Variants in SECISBP2 observed in about 807,000 individuals in gnomAD.
The protein encoded by SECISBP2 is selenocysteine insertion sequence-binding protein 2.
In SECISBP2, 96 loss-of-function variants were observed where a neutral mutation model predicts 98.2. That is an observed-to-expected ratio of 0.98 (90% CI 0.83 to 1.16). The LOEUF (loss-of-function observed/expected upper bound fraction) is 1.16, where lower values mean the gene tolerates loss of function less well. SECISBP2 is among the 50% of genes most tolerant of loss of function. SECISBP2 has a pLI of 0.00. For synonymous variants in SECISBP2, 407 were observed against 370.2 expected, an observed-to-expected ratio of 1.10 and a Z score of -1.14; for missense variants, 1,046 against 1,022.9, an observed-to-expected ratio of 1.02 and a Z score of -0.31.
At chr9:89,327,367 C>T (rs1826913283) in intron 4 of SECISBP2, among the ~76,000 whole-genome samples, 1 of 151,956 alleles carries the variant, frequency 6.6e-6, no homozygotes, top group South Asian at 2.1e-4. Context: ...GTATTTTTTT[C>T]AATAATTAAC....
At chr9:89,333,406 T>C (rs560858404) in intron 6 of SECISBP2, among the ~76,000 whole-genome samples, 1 of 152,372 alleles carries the variant, frequency 6.6e-6, no homozygotes, top group South Asian at 2.1e-4. Flanking sequence ...ATTAAGCGTA[T>C]TGCATTTTAA....
At chr9:89,321,294 A>G (rs1047769401) in intron 2 of SECISBP2, among the ~76,000 whole-genome samples, 3 of 152,248 alleles carry the variant, frequency 2.0e-5, no homozygotes, top group African/African-American at 4.8e-5. Flanking sequence ...AAACATTCAC[A>G]TGGCTAAAGG....
At chr9:89,363,307 C>T (rs922763347), downstream of SECISBP2, 21 of 1,413,118 alleles carry the variant, frequency 1.5e-5, no homozygotes, top group East Asian at 2.4e-5. Context: ...GAAACTGCTC[C>T]GGGGCTAAGA....
chr9:89,320,307 G>T (rs1395971719), intron 2 of SECISBP2, among the ~76,000 whole-genome samples: 1 of 126,982 alleles, frequency 7.9e-6, no homozygotes, highest in Non-Finnish European at 1.5e-5. Context: ...AGTGGGCCAA[G>T]ATAGCACCAC....
intron 8 of SECISBP2, among the ~76,000 whole-genome samples, chr9:89,338,839 T>A (rs1829201859): frequency 6.6e-6 from 1 of 152,164 alleles, no homozygotes; most frequent in South Asian, 2.1e-4. Flanking sequence ...GTTGAATAGT[T>A]TGTGTGCCAT....
At chr9:89,325,326 T>A in intron 2 of SECISBP2, 101 bp from the exon 3 acceptor site, 2 of 1,112,544 alleles carry the variant, frequency 1.8e-6, no homozygotes, top group Non-Finnish European at 2.7e-6. Context: ...GAGTGAATGG[T>A]CTCAGAAATA....
In SECISBP2 at chr9:89,326,028, T is replaced by C. The variant is rs138517966; in HGVS notation, c.564T>C (p.Ser188=). The change falls in exon 4 of 17, where the codon AGT becomes AGC. Residue 188 remains serine (S), a synonymous_variant. Transcript: ENST00000375807. The stretch of plus-strand genomic sequence containing the variant: ...ATTTGTCCATTTACGCTGAGAATAG[T>C]TTGAAATCAGGTAAAAATAACCAAC... The part of the protein sequence containing the change: ...SHHLSIYAEN[S]LKSDGYHKRT... The C allele has an allele frequency of 1.1e-4, 177 of 1,613,052 alleles. No individual in the cohort carries two copies. The African/African-American group carries it at 2.1e-3, about 19-fold the overall frequency.
intron 7 of SECISBP2, among the ~76,000 whole-genome samples, chr9:89,336,108 T>TTTTTTTTTC (rs1554720204): frequency 7.5e-6 from 1 of 133,570 alleles, no homozygotes; most frequent in Non-Finnish European, 1.6e-5. Context: ...TTTTTTTTTT[T>TTTTTTTTTC]CACTGCAGCT....
intron 4 of SECISBP2, among the ~76,000 whole-genome samples, chr9:89,326,933 C>T (rs183140587): frequency 1.2e-4 from 18 of 152,244 alleles, no homozygotes; most frequent in Admixed American, 2.0e-4. Context: ...GAGTCCGAGA[C>T]GGGCGGATCA....
chr9:89,357,136 G>T (rs958689595), intron 14 of SECISBP2: 1 of 465,522 alleles, frequency 2.1e-6, no homozygotes, highest in Non-Finnish European at 4.0e-6. Context: ...ATTTGGGGGA[G>T]GACACAGGAG....
chr9:89,321,229 CAA>C (rs534605725), intron 2 of SECISBP2, among the ~76,000 whole-genome samples: 3 of 152,164 alleles, frequency 2.0e-5, no homozygotes, highest in African/African-American at 4.8e-5. Context: ...ATCTCAGTGA[CAA>C]GAGCTCAAAG....
Position 89,328,830 on chromosome 9 carries a change from T to C in SECISBP2, c.745T>C (p.Ser249Pro). The change falls in exon 5 of 17, where the codon TCT becomes CCT. Residue 249 changes from serine to proline, a missense_variant. Coordinates refer to ENST00000375807, the MANE Select transcript of SECISBP2 (RefSeq NM_024077.5). ...QPKWGPVHSV[S>P]TDISLLREVV... ...CAAGTGGGGACCTGTCCACTCTGTCTCTACCGACATTTCTCTTCTAAGAGA... is the reference window on the plus strand; with the variant it reads ...CAAGTGGGGACCTGTCCACTCTGTCCCTACCGACATTTCTCTTCTAAGAGA... 3.1e-6 allele frequency: 5 copies of C among 1,614,256 alleles called. No homozygotes were observed. The highest frequency in any genetic ancestry group is 4.2e-6 in the Non-Finnish European group (5 of 1,180,042).
intron 14 of SECISBP2, chr9:89,356,445 T>C (rs1832086407): frequency 6.6e-6 from 1 of 152,286 alleles, no homozygotes; most frequent in Admixed American, 6.5e-5. Flanking sequence ...CCTTTTCATT[T>C]GTTCAGATTT....
intron 5 of SECISBP2, chr9:89,332,538 T>G: frequency 3.6e-6 from 1 of 281,554 alleles, no homozygotes. Context: ...GTTTTGTCTT[T>G]TCTAGAATGT....
intron 6 of SECISBP2, chr9:89,334,194 C>T: frequency 1.7e-6 from 2 of 1,196,114 alleles, no homozygotes; most frequent in Non-Finnish European, 2.1e-6. Context: ...TTCGTTAATT[C>T]TGTGTGCTTG....
chr9:89,338,640 A>C, intron 8 of SECISBP2, 60 bp downstream of exon 8: 1 of 1,552,654 alleles, frequency 6.4e-7, no homozygotes, highest in East Asian at 2.3e-5. Flanking sequence ...TCTTAAAAGA[A>C]ACTTGGGTTC....
intron 14 of SECISBP2, chr9:89,355,581 T>C (rs1831934165): frequency 1.0e-6 from 1 of 983,560 alleles, no homozygotes; most frequent in Admixed American, 6.1e-5. Flanking sequence ...GGTTTGTCAG[T>C]TTCTCCACCA....
chr9:89,334,286 A>G (rs957121397), intron 6 of SECISBP2: 1 of 1,040,366 alleles, frequency 9.6e-7, no homozygotes, highest in Non-Finnish European at 1.3e-6. Flanking sequence ...CAGGTTAAAA[A>G]ACCAGTTTCC....
At chr9:89,336,810 C>T (rs942400287) in intron 7 of SECISBP2, among the ~76,000 whole-genome samples, 2 of 117,896 alleles carry the variant, frequency 1.7e-5, no homozygotes, top group Non-Finnish European at 3.2e-5. Flanking sequence ...CTTGCTCTGT[C>T]GCCCAGGTTG....
Sources: gnomAD v4.1 joint callset for allele counts (sites outside exome capture counted in the v4.1 genomes callset) on GRCh38, gnomAD v4.1.1 for gene constraint, MANE v1.5 for transcripts, NCBI Gene and HGNC (gene_info 2026-07-23, HGNC 2026-07-21) for gene names.